CTNNA3: variants seen among roughly 807,000 people sequenced by gnomAD.
CTNNA3 encodes the protein catenin alpha 3, also known as catenin alpha-3.
A neutral mutation model predicts 95.7 loss-of-function variants in CTNNA3; 76 were observed. The ratio of observed to expected loss-of-function variants is 0.79; its 90% CI spans 0.66 to 0.96. CTNNA3 has a LOEUF of 0.96. Among genes scored for constraint, CTNNA3 ranks in the 40% least tolerant of loss-of-function variants. CTNNA3 has a pLI of 0.00. For missense variants in CTNNA3, 1,191 were observed against 1,089.8 expected (o/e 1.09, Z -1.31); for synonymous variants, 431 against 374.4 (o/e 1.15, Z -1.74).
At chr10:67,561,079 C>T (rs1249478851) in intron 3 of CTNNA3, among the ~76,000 whole-genome samples, 20 of 147,016 alleles carry the variant, frequency 1.4e-4, no homozygotes, top group African/African-American at 3.4e-4. Flanking sequence ...GACAGATCAA[C>T]GAGACAGAAA....
At chr10:65,959,467 C>A (rs557978528) in intron 17 of CTNNA3, among the ~76,000 whole-genome samples, 1 of 152,178 alleles carries the variant, frequency 6.6e-6, no homozygotes, top group East Asian at 1.9e-4. Flanking sequence ...TCTTCTGTAT[C>A]GCTCATGCTG....
chr10:66,956,634 G>C (rs1215906076), intron 7 of CTNNA3, among the ~76,000 whole-genome samples: 1 of 152,204 alleles, frequency 6.6e-6, no homozygotes, highest in Non-Finnish European at 1.5e-5. Context: ...TCATTTCAGA[G>C]TGAAATTAAT....
intron 7 of CTNNA3, among the ~76,000 whole-genome samples, chr10:66,790,873 A>T (rs1840940549): frequency 6.6e-6 from 1 of 152,096 alleles, no homozygotes; most frequent in Admixed American, 6.6e-5. Flanking sequence ...ATAAGCCCAA[A>T]ATCTAGAAGT....
At chr10:66,618,506 T>C (rs1283131908) in intron 10 of CTNNA3, among the ~76,000 whole-genome samples, 2 of 152,146 alleles carry the variant, frequency 1.3e-5, no homozygotes, top group Non-Finnish European at 2.9e-5. Flanking sequence ...AGGCTAGCCA[T>C]AGGTAGAAAG....
chr10:67,670,253 C>T (rs972453480), intron 1 of CTNNA3, among the ~76,000 whole-genome samples: 1 of 152,082 alleles, frequency 6.6e-6, no homozygotes, highest in Non-Finnish European at 1.5e-5. Context: ...AAGATAATAA[C>T]AGAAAACTAG....
intron 6 of CTNNA3, among the ~76,000 whole-genome samples, chr10:67,206,363 A>G (rs560156197): frequency 6.6e-6 from 1 of 152,276 alleles, no homozygotes; most frequent in East Asian, 1.9e-4. Flanking sequence ...AATGCTTATC[A>G]ATTATAAAAT....
chr10:67,378,286 A>G (rs1359020126), intron 5 of CTNNA3, among the ~76,000 whole-genome samples: 1 of 152,182 alleles, frequency 6.6e-6, no homozygotes, highest in Non-Finnish European at 1.5e-5. Context: ...GACTTACAAA[A>G]GAGTTGTCAT....
At chr10:66,168,158 C>A (rs1285934022) in intron 13 of CTNNA3, among the ~76,000 whole-genome samples, 1 of 152,116 alleles carries the variant, frequency 6.6e-6, no homozygotes, top group African/African-American at 2.4e-5. Context: ...TAACTGTGAG[C>A]TGTCTATTCT....
At chr10:66,330,324 G>C (rs1048828174) in intron 12 of CTNNA3, among the ~76,000 whole-genome samples, 1 of 151,622 alleles carries the variant, frequency 6.6e-6, no homozygotes, top group Admixed American at 6.6e-5. Flanking sequence ...GCAGTGTTTG[G>C]TTTTTTGTCC....
intron 15 of CTNNA3, among the ~76,000 whole-genome samples, chr10:66,040,786 G>C (rs1485027617): frequency 6.6e-6 from 1 of 152,102 alleles, no homozygotes; most frequent in Non-Finnish European, 1.5e-5. Context: ...ACTAGGCTTA[G>C]TACCTGGGTG....
intron 17 of CTNNA3, among the ~76,000 whole-genome samples, chr10:65,925,555 G>C (rs1411395687): frequency 1.3e-5 from 2 of 152,072 alleles, no homozygotes; most frequent in Non-Finnish European, 2.9e-5. Flanking sequence ...TCATGCCTCA[G>C]CTCCCCAAGT....
intron 7 of CTNNA3, among the ~76,000 whole-genome samples, chr10:66,803,144 G>A (rs1158176676): frequency 2.0e-5 from 3 of 151,912 alleles, no homozygotes; most frequent in Non-Finnish European, 2.9e-5. Flanking sequence ...GTGTTGCATC[G>A]TTTTTATCTT....
chr10:67,709,943 GT>G (rs1319931092), intron 1 of CTNNA3, among the ~76,000 whole-genome samples: 1 of 152,132 alleles, frequency 6.6e-6, no homozygotes, highest in Non-Finnish European at 1.5e-5. Flanking sequence ...CTTGTTAATA[GT>G]TTTCTTTTTA....
chr10:66,268,870 A>G (rs2091216239), intron 13 of CTNNA3, among the ~76,000 whole-genome samples: 1 of 152,216 alleles, frequency 6.6e-6, no homozygotes, highest in Non-Finnish European at 1.5e-5. Context: ...CAGCTTATAC[A>G]GATGGCAAAA....
intron 5 of CTNNA3, among the ~76,000 whole-genome samples, chr10:67,335,718 C>G (rs1210301474): frequency 6.6e-6 from 1 of 152,150 alleles, no homozygotes; most frequent in African/African-American, 2.4e-5. Context: ...GAGCTTACTG[C>G]TTGTTTATGT....
chr10:66,306,973 A>C (rs1238480023), intron 12 of CTNNA3, among the ~76,000 whole-genome samples: 2 of 152,208 alleles, frequency 1.3e-5, no homozygotes, highest in African/African-American at 2.4e-5. Context: ...CTAACAACAA[A>C]AAAATTAGCT....
chr10:66,062,331 A>C (rs1438601476), intron 15 of CTNNA3, among the ~76,000 whole-genome samples: 1 of 152,008 alleles, frequency 6.6e-6, no homozygotes, highest in Non-Finnish European at 1.5e-5. Flanking sequence ...AGCTATTTAA[A>C]ATCTATATGG....
chr10:67,182,374 A>G (rs1024110596), intron 6 of CTNNA3, among the ~76,000 whole-genome samples: 1 of 152,210 alleles, frequency 6.6e-6, no homozygotes, highest in East Asian at 1.9e-4. Context: ...CAGAGGCCTC[A>G]GAAATAAAGC....
chr10:65,947,329 T>A (rs1276767973), intron 17 of CTNNA3, among the ~76,000 whole-genome samples: 1 of 152,172 alleles, frequency 6.6e-6, no homozygotes, highest in Admixed American at 6.5e-5. Context: ...CTTACAACAA[T>A]TAGATGAAAT....
Sources: allele counts gnomAD v4.1 joint callset (sites outside exome capture counted in the v4.1 genomes callset), GRCh38; gene constraint gnomAD v4.1.1; transcripts MANE v1.5; gene names NCBI Gene and HGNC (gene_info 2026-07-23, HGNC 2026-07-21).